ARMC10: variants seen among roughly 807,000 people sequenced by gnomAD.
ARMC10 encodes the protein armadillo repeat containing 10, also known as armadillo repeat-containing protein 10.
A neutral mutation model predicts 30.2 loss-of-function variants in ARMC10; 23 were observed. The ratio of observed to expected loss-of-function variants is 0.76; its 90% CI spans 0.55 to 1.08. The LOEUF is 1.08. Among genes scored for constraint, ARMC10 ranks in the 50% least tolerant of loss-of-function variants. ARMC10 has a pLI of 0.00. For synonymous variants in ARMC10, 111 were observed against 164.4 expected (o/e 0.68, Z 2.48); for missense variants, 303 against 413.7 (o/e 0.73, Z 2.32).
chr7:103,086,621 C>A lies in ARMC10; in HGVS notation c.394-9C>A. 1 of 1,565,478 alleles carries A rather than the reference C, an allele frequency of 6.4e-7. No individual in the cohort carries two copies. Among genetic ancestry groups the A allele is most frequent in the African/African-American group, 1.4e-5 (1 of 70,632 alleles). On this transcript the variant is annotated splice_polypyrimidine_tract_variant and intron_variant, in intron 3 of 6. Coordinates refer to ENST00000323716, the MANE Select transcript of ARMC10 (RefSeq NM_031905.5). ...CAGTCCTGCTTTTTTTTTTTTTTTC[C>A]CCTCGTAGGCTATTATTCGTGAATT...
At chr7:103,076,987 T>A (rs1799931590) in intron 2 of ARMC10, among the ~76,000 whole-genome samples, 1 of 152,152 alleles carries the variant, frequency 6.6e-6, no homozygotes, top group African/African-American at 2.4e-5. Context: ...AGCTGCAGCC[T>A]CCACTTCCCT....
chr7:103,081,771 C>T (rs1344913810), intron 2 of ARMC10: 1 of 376,818 alleles, frequency 2.7e-6, no homozygotes. Flanking sequence ...ACATTTCTGC[C>T]ATGCATGTGC....
intron 2 of ARMC10, among the ~76,000 whole-genome samples, chr7:103,077,847 AATCATC>A (rs1202753640): frequency 6.6e-6 from 1 of 152,186 alleles, no homozygotes; most frequent in East Asian, 1.9e-4. Flanking sequence ...CAGTTCCCAT[AATCATC>A]ATTATCTTAG....
intron 6 of ARMC10, 144 bp downstream of exon 6, chr7:103,097,492 G>A (rs1361666549): frequency 3.8e-6 from 2 of 530,524 alleles, no homozygotes; most frequent in Admixed American, 3.7e-5. Flanking sequence ...AATTCATTTT[G>A]TATGTGTAAA....
chr7:103,097,258 C>T lies in ARMC10; in HGVS notation c.706-19C>T, dbSNP rs755983135. 2.5e-6 allele frequency: 4 copies of T among 1,604,318 alleles called. No individual in the cohort carries two copies. The African/African-American group carries it at 4.0e-5, about 16-fold the overall frequency. ...TCATGCTTGCCAGTCTGAGATAAGC[C>T]AGTATCATCTTCTTTCAGGTGCAAG... is the stretch of plus-strand genomic sequence containing the variant. On this transcript the variant is annotated intron_variant, in intron 5 of 6. Coordinates refer to ENST00000323716, the MANE Select transcript of ARMC10 (RefSeq NM_031905.5).
In ARMC10 at chr7:103,099,688, G is replaced by A. The variant is rs1802106392; in HGVS notation, c.*1135G>A. The stretch of plus-strand genomic sequence containing the variant: ...GGGGAATGCCTTCTACGTACACACT[G>A]TTCTACTGTTTGAATTTTTTAATAT... On this transcript the variant is annotated 3_prime_UTR_variant, in exon 7 of 7. Transcript: ENST00000323716. 1 of 149,504 alleles carries A rather than the reference G, an allele frequency of 6.7e-6. No homozygotes were observed. The highest frequency in any genetic ancestry group is 1.5e-5 in the Non-Finnish European group (1 of 67,250). The allele number at this position is 149,504 out of a possible 1,614,324, so 9.3% of individuals were successfully genotyped here. A position where few individuals can be genotyped will look rare whatever the true frequency, so the allele number is the denominator to read the frequency against.
chr7:103,088,741 C>T, intron 4 of ARMC10: 1 of 191,542 alleles, frequency 5.2e-6, no homozygotes. Context: ...ACCTCTCCAA[C>T]ATATAGTGAG....
chr7:103,076,005 ACAT>A, intron 2 of ARMC10, 124 bp downstream of exon 2: 2 of 581,312 alleles, frequency 3.4e-6, no homozygotes, highest in East Asian at 3.3e-5. Context: ...GGCATGTTTC[ACAT>A]CATGGAAGCT....
chr7:103,093,969 T>A (rs1402551632), intron 5 of ARMC10, among the ~76,000 whole-genome samples: 3 of 152,242 alleles, frequency 2.0e-5, no homozygotes, highest in African/African-American at 7.2e-5. Context: ...GGATAGAAAA[T>A]TTGCTTTCTT....
At position 103,086,615 on chromosome 7, in the gene ARMC10, T is replaced by C. The variant is rs906438789; in HGVS notation, c.394-15T>C. 94 of 1,581,060 alleles carry C rather than the reference T, an allele frequency of 5.9e-5. No homozygotes were observed. Among genetic ancestry groups the C allele is most frequent in the Non-Finnish European group, 7.8e-5 (92 of 1,172,126 alleles). On this transcript the variant is annotated splice_polypyrimidine_tract_variant and intron_variant, in intron 3 of 6. Coordinates refer to ENST00000323716, the MANE Select transcript of ARMC10 (RefSeq NM_031905.5). ...AAGTCCCAGTCCTGCTTTTTTTTTTTTTTTCCCCTCGTAGGCTATTATTCG... is the reference window on the plus strand; with the variant it reads ...AAGTCCCAGTCCTGCTTTTTTTTTTCTTTTCCCCTCGTAGGCTATTATTCG...
chr7:103,087,885 C>T, intron 4 of ARMC10: 1 of 559,580 alleles, frequency 1.8e-6, no homozygotes, highest in Non-Finnish European at 2.3e-6. Flanking sequence ...TGCTATGAAG[C>T]AAAAGCAGAC....
At chr7:103,087,715 GGC>G (rs1800982544) in intron 4 of ARMC10, 1 of 931,012 alleles carries the variant, frequency 1.1e-6, no homozygotes, top group African/African-American at 1.8e-5. Flanking sequence ...TAATGTTGAT[GGC>G]AAGATTTGTA....
rs1342263012 is a variant in ARMC10, at chr7:103,099,354, C to T, written c.*801C>T. 1.7e-5 allele frequency: 2 copies of T among 120,942 alleles called. No homozygotes were observed. The highest frequency in any genetic ancestry group is 3.6e-5 in the Non-Finnish European group (2 of 56,334). The allele number at this position is 120,942 out of a possible 1,614,324, so 7.5% of individuals were successfully genotyped here. A position where few individuals can be genotyped will look rare whatever the true frequency, so the allele number is the denominator to read the frequency against. On this transcript the variant is annotated 3_prime_UTR_variant, in exon 7 of 7. Transcript: ENST00000323716. ...GGCATGGTGGTGCATGCCTGTAATCCCAGCTACTTGGGAGGCCGAGGCAGG... is the reference window on the plus strand; with the variant it reads ...GGCATGGTGGTGCATGCCTGTAATCTCAGCTACTTGGGAGGCCGAGGCAGG...
At chr7:103,077,312 T>G (rs191079501) in intron 2 of ARMC10, among the ~76,000 whole-genome samples, 2 of 152,278 alleles carry the variant, frequency 1.3e-5, no homozygotes, top group Admixed American at 6.5e-5. Flanking sequence ...TTTAAAGATT[T>G]GTATGTACCC....
intron 2 of ARMC10, among the ~76,000 whole-genome samples, chr7:103,080,127 C>G (rs1461425166): frequency 6.6e-6 from 1 of 152,168 alleles, no homozygotes; most frequent in East Asian, 1.9e-4. Context: ...TGTTTGACTC[C>G]TCACCTGTGT....
intron 2 of ARMC10, among the ~76,000 whole-genome samples, chr7:103,076,845 AAAC>A (rs1563314129): frequency 3.9e-4 from 3 of 7,738 alleles, no homozygotes; most frequent in Non-Finnish European, 0.023. Flanking sequence ...AAAAAACAAA[AAAC>A]AAACAAAAAG....
intron 2 of ARMC10, among the ~76,000 whole-genome samples, chr7:103,077,313 G>A (rs183742843): frequency 6.7e-6 from 1 of 149,762 alleles, no homozygotes; most frequent in Non-Finnish European, 1.5e-5. Flanking sequence ...TTAAAGATTT[G>A]TATGTACCCT....
intron 2 of ARMC10, among the ~76,000 whole-genome samples, chr7:103,078,198 A>C (rs191284587): frequency 6.6e-6 from 1 of 152,116 alleles, no homozygotes; most frequent in South Asian, 2.1e-4. Context: ...GGGTTTCACC[A>C]TGTTGGCCAG....
rs149349513 is a variant in ARMC10 at position 103,092,501 on chromosome 7, G to C, written c.553G>C (p.Asp185His). Residue 185 changes from aspartate (D) to histidine (H), a missense_variant, in exon 5 of 7, where the codon GAT (aspartate) becomes CAT (histidine). By Grantham distance (81) the Asp-to-His change is moderately conservative (BLOSUM62 -1). This residue lies in a region of ARMC10 where 170 missense variants were observed against 207.2 expected (regional missense o/e 0.82). Transcript: ENST00000323716. ...IKIYISQVCE[D>H]VFSGPLNSAV... is the part of the protein sequence containing the mutation. ...GATATACATCAGTCAAGTATGTGAG[G>C]ATGTCTTCTCTGGTCCTCTGAACTC... is the stretch of plus-strand genomic sequence containing the variant. 381 of 1,590,158 alleles carry C rather than the reference G, an allele frequency of 2.4e-4. No individual in the cohort carries two copies. The highest frequency in any genetic ancestry group is 3.1e-4 in the Non-Finnish European group (365 of 1,160,812).
Sources: allele counts gnomAD v4.1 joint callset (sites outside exome capture counted in the v4.1 genomes callset), GRCh38; gene constraint gnomAD v4.1.1; regional missense constraint gnomAD v4.1.1; transcripts MANE v1.5; gene names NCBI Gene and HGNC (gene_info 2026-07-23, HGNC 2026-07-21).